The following NEB variants were observed in gnomAD, a reference collection of about 807,000 sequenced individuals.
NEB encodes nemaline myopathy type 2.
In NEB, 512 loss-of-function variants were observed where a neutral mutation model predicts 952.2. That is an observed-to-expected ratio of 0.54 (90% CI 0.50 to 0.58). The LOEUF (loss-of-function observed/expected upper bound fraction) is 0.58. Among genes scored for constraint, NEB ranks in the 20% least tolerant of loss-of-function variants. NEB has a pLI of 0.00. For missense variants in NEB, 8,428 were observed against 9,231.1 expected (o/e 0.91, Z 3.56); for synonymous variants, 2,900 against 3,149.8 (o/e 0.92, Z 2.66).
At chr2:151,705,433 T>G in intron 13 of NEB, among the ~76,000 whole-genome samples, 1 of 152,166 alleles carries the variant, frequency 6.6e-6, no homozygotes, top group Non-Finnish European at 1.5e-5. Context: ...TGTTTTTCAC[T>G]TAGAGAGTAA....
rs750836832 is a variant in NEB, at chr2:151,724,832, C to CCAGCCATCCA, written c.507+15_507+24dup. 16 of 1,583,402 alleles carry CCAGCCATCCA rather than the reference C, an allele frequency of 1.0e-5. No individual in the cohort carries two copies. In the South Asian group the frequency reaches 1.8e-4, roughly 18 times the overall value. Reference sequence around the variant, plus strand: ...GGTGATGCACATGCTACTGAGTACCCCAGCCATCCATATCATTGCCTTACC... The same window carrying CCAGCCATCCA: ...GGTGATGCACATGCTACTGAGTACCCCAGCCATCCACAGCCATCCATATCATTGCCTTACC... On this transcript the variant is annotated intron_variant, in intron 7 of 181. Transcript: ENST00000397345.
At chr2:151,534,065 C>CT in intron 142 of NEB, 1 of 620,084 alleles carries the variant, frequency 1.6e-6, no homozygotes, top group South Asian at 2.2e-5. Flanking sequence ...AGCTGACGGG[C>CT]TTTTTGGGTG....
At chr2:151,609,011 C>G (rs1433639038) in intron 81 of NEB, among the ~76,000 whole-genome samples, 6 of 139,884 alleles carry the variant, frequency 4.3e-5, no homozygotes, top group Non-Finnish European at 9.7e-5. Flanking sequence ...CACTGAAACT[C>G]TGAGTACATG....
Position 151,487,850 on chromosome 2 carries a change from C to T in NEB, c.25405-1917G>A, listed in dbSNP as rs138178619. Among the ~76,000 whole-genome samples the T allele has an allele frequency of 2.3e-3, 353 of 152,230 alleles. 1 individual carries two copies. Among genetic ancestry groups the T allele is most frequent in the African/African-American group, 8.3e-3 (344 of 41,528 alleles). On this transcript the variant is annotated intron_variant, in intron 181 of 181. Transcript: ENST00000397345. Reference sequence around the variant, plus strand: ...TAGGCTGGTCTTAAACTCCTGGACTCAAGCAGTCCTCCCACCTCCTAAAGT... The same window carrying T: ...TAGGCTGGTCTTAAACTCCTGGACTTAAGCAGTCCTCCCACCTCCTAAAGT...
rs141930814 is a variant in NEB at position 151,663,744 on chromosome 2, C to T, written c.5567G>A (p.Arg1856Gln). ...TTTCTCATATCCCTTCTTGTATTCC[C>T]GGTCTGACTGCATCTTGGCCACTTG... ...FMQVAKMQSD[R>Q]EYKKGYEKSK... is the part of the protein sequence containing the mutation. Residue 1856 changes from arginine to glutamine, a missense_variant, in exon 45 of 182, where the codon CGG (arginine) becomes CAG (glutamine). Physicochemically the swap from Arg to Gln is conservative, Grantham distance 43. This residue lies in a region of NEB where 2,851 missense variants were observed against 2,791.5 expected (regional missense o/e 1.02). Coordinates refer to ENST00000397345, the MANE Select transcript of NEB (RefSeq NM_001164508.2). 0.014 allele frequency: 22,166 copies of T among 1,613,756 alleles called. 187 individuals are homozygous for T. Among genetic ancestry groups the T allele is most frequent in the Non-Finnish European group, 0.017 (19,596 of 1,179,772 alleles).
chr2:151,505,771 T>C (rs1158125670), intron 164 of NEB, among the ~76,000 whole-genome samples: 2 of 152,144 alleles, frequency 1.3e-5, no homozygotes, highest in Non-Finnish European at 2.9e-5. Flanking sequence ...ACGCTTTGTC[T>C]CTCTCTCGTC....
At chr2:151,507,112 T>C in intron 162 of NEB, 99 bp from the exon 163 acceptor site, 1 of 741,840 alleles carries the variant, frequency 1.3e-6, no homozygotes, top group African/African-American at 1.8e-5. Flanking sequence ...CCTGTATCTT[T>C]AAAAAAAAGT....
At chr2:151,537,745 T>C (rs1172100233) in intron 140 of NEB, 127 bp downstream of exon 140, 8 of 574,962 alleles carry the variant, frequency 1.4e-5, no homozygotes, top group African/African-American at 1.9e-5. Context: ...AGTTTTATGA[T>C]TTAAACATCC....
chr2:151,729,752 G>A (rs753852471), intron 3 of NEB, 96 bp from the exon 4 acceptor site: 33 of 1,266,346 alleles, frequency 2.6e-5, no homozygotes, highest in African/African-American at 7.4e-5. Flanking sequence ...GCACTAGCTC[G>A]GTTGATTTGG....
At chr2:151,523,119 T>G (rs1345766826) in intron 153 of NEB, among the ~76,000 whole-genome samples, 1 of 152,216 alleles carries the variant, frequency 6.6e-6, no homozygotes, top group South Asian at 2.1e-4. Flanking sequence ...TTAAAAACAT[T>G]AACTTTTTGC....
chr2:151,669,158 A>G (rs933198475), intron 38 of NEB, 27 bp from the exon 39 acceptor site: 40 of 1,401,418 alleles, frequency 2.9e-5, no homozygotes, highest in Non-Finnish European at 3.4e-5. Context: ...CAGCATGCAC[A>G]TATCATTAGC....
rs538990928 is a variant in NEB, at chr2:151,687,707, C to T, written c.2442G>A (p.Lys814=). 13 of 1,594,408 alleles carry T rather than the reference C, an allele frequency of 8.2e-6. No individual in the cohort carries two copies. In the South Asian group the frequency reaches 1.5e-4, roughly 18 times the overall value. Residue 814 remains lysine, a synonymous_variant, in exon 26 of 182, where the codon AAG becomes AAA. Coordinates refer to ENST00000397345, the MANE Select transcript of NEB (RefSeq NM_001164508.2). ...SDNVYKQDWE[K]SKAKKFDIKV... ...TAATGTCAAACTTCTTGGCTTTGCT[C>T]TTCTCCCAGTCTTGCTTATAAACAT...
intron 39 of NEB, 58 bp downstream of exon 39, chr2:151,668,969 A>G (rs748314709): frequency 6.3e-5 from 82 of 1,296,882 alleles, no homozygotes; most frequent in Non-Finnish European, 8.7e-5. Context: ...CAAGAGTTGC[A>G]AAGAACCAGA....
chr2:151,506,149 A>G lies in NEB; in HGVS notation c.23649+17T>C, dbSNP rs1298483696. 1 of 1,584,572 alleles carries G rather than the reference A, an allele frequency of 6.3e-7. No individual in the cohort carries two copies. The highest frequency in any genetic ancestry group is 1.7e-5 in the Admixed American group (1 of 59,986). ...GGGAGGCAGAAAATATTGCAAGTGC[A>G]TTCACTGTGTCTTTACCGAGCTAAT... On this transcript the variant is annotated intron_variant, in intron 164 of 181. Transcript: ENST00000397345.
rs777246173 is a variant in NEB, at chr2:151,485,819, T to C, written c.25519A>G (p.Thr8507Ala). 4.3e-6 allele frequency: 7 copies of C among 1,614,000 alleles called. No individual in the cohort carries two copies. The highest frequency in any genetic ancestry group is 5.9e-6 in the Non-Finnish European group (7 of 1,179,962). Reference protein sequence around the residue: ...QAIDEGWMYGTVQRTGRTGML... With the variant: ...QAIDEGWMYGAVQRTGRTGML... Reference sequence around the variant, plus strand: ...CCGGTCCTGCCAGTCCTCTGCACAGTGCCATACATCCAGCCTTCATCAATT... The same window carrying C: ...CCGGTCCTGCCAGTCCTCTGCACAGCGCCATACATCCAGCCTTCATCAATT... The change falls in exon 182 of 182, where the codon ACT becomes GCT. Residue 8507 changes from threonine (T) to alanine (A), a missense_variant. Physicochemically the swap from Thr to Ala is moderately conservative, Grantham distance 58 (BLOSUM62 0). Around this residue, in one of 11 missense-constraint regions of NEB, gnomAD observed 3,374 missense variants for 3,651.5 expected, o/e 0.92. Coordinates refer to ENST00000397345, the MANE Select transcript of NEB (RefSeq NM_001164508.2).
Position 151,493,456 on chromosome 2 carries a change from C to A in NEB, c.24673-11G>T. 1 of 1,544,920 alleles carries A rather than the reference C, an allele frequency of 6.5e-7. No individual in the cohort carries two copies. Among genetic ancestry groups the A allele is most frequent in the Non-Finnish European group, 8.8e-7 (1 of 1,139,152 alleles). ...CTCTTTGTACAATACCTAGGGAAGC[C>A]AAAAGAGCATCTAGGCATCAGACAG... is the stretch of plus-strand genomic sequence containing the variant. On this transcript the variant is annotated splice_polypyrimidine_tract_variant and intron_variant, in intron 175 of 181. Transcript: ENST00000397345.
intron 13 of NEB, among the ~76,000 whole-genome samples, chr2:151,698,391 C>T (rs2099613111): frequency 6.6e-6 from 1 of 151,936 alleles, no homozygotes; most frequent in Non-Finnish European, 1.5e-5. Context: ...ACCAAAAACT[C>T]TGTAGTTGCC....
chr2:151,526,874 G>T, intron 148 of NEB, 44 bp downstream of exon 148: 1 of 1,325,454 alleles, frequency 7.5e-7, no homozygotes, highest in African/African-American at 1.5e-5. Flanking sequence ...ATGGAAGATG[G>T]CCCTGAGTGA....
chr2:151,640,640 C>T lies in NEB; in HGVS notation c.8400G>A (p.Lys2800=). 6.2e-7 allele frequency: 1 copy of T among 1,612,804 alleles called. No homozygotes were observed. The highest frequency in any genetic ancestry group is 8.5e-7 in the Non-Finnish European group (1 of 1,179,040). The change falls in exon 61 of 182, where the codon AAG becomes AAA. Residue 2800 remains lysine (K), a synonymous_variant. Transcript: ENST00000397345. ...GGGCACCAATGTGGTGGCCGAGCTG[C>T]TTACGATAGCCTTCTTTGTACTTGA... ...SEFKYKEGYR[K]QLGHHIGARA...
Sources: allele counts gnomAD v4.1 joint callset (sites outside exome capture counted in the v4.1 genomes callset), GRCh38; gene constraint gnomAD v4.1.1; regional missense constraint gnomAD v4.1.1; transcripts MANE v1.5; gene names NCBI Gene and HGNC (gene_info 2026-07-23, HGNC 2026-07-21).